Variants in MYOCD observed in about 807,000 individuals in gnomAD.
MYOCD encodes the protein myocardin.
Under a neutral mutation model 96.1 loss-of-function variants are expected in MYOCD, and 32 were observed. The observed-to-expected ratio is 0.33, with a 90% CI of 0.25 to 0.45. MYOCD has a LOEUF of 0.45. Ranked by LOEUF, MYOCD falls within the 20% of genes least tolerant of loss-of-function variation. MYOCD has a pLI of 1.00. For missense variants in MYOCD, 1,133 were observed against 1,200.6 expected, an observed-to-expected ratio of 0.94 and a Z score of 0.83; for synonymous variants, 469 against 469.0, an observed-to-expected ratio of 1.00 and a Z score of 0.00.
At chr17:12,715,692 C>A in intron 3 of MYOCD, 118 bp downstream of exon 3, 1 of 697,784 alleles carries the variant, frequency 1.4e-6, no homozygotes. Flanking sequence ...TTGCCAGTCC[C>A]CTGCCCTCAT....
At position 12,765,284 on chromosome 17, in the gene MYOCD, A is replaced by C. The variant is rs189672093; in HGVS notation, c.*1640A>C. On this transcript the variant is annotated 3_prime_UTR_variant, in exon 14 of 14. Coordinates refer to ENST00000425538, the MANE Select transcript of MYOCD (RefSeq NM_001146312.3). ...TTGCTGTTGTTTTGTTTTTTTATTT[A>C]AATCACTAAGGCACTGTTTTTATCT... The C allele has an allele frequency of 6.6e-6, 1 of 151,746 alleles. No individual in the cohort carries two copies. Among genetic ancestry groups the C allele is most frequent in the East Asian group, 1.9e-4 (1 of 5,162 alleles). 9.4% of individuals were successfully genotyped at this position (151,746 alleles called of 1,614,324 possible).
chr17:12,730,675 T>C (rs547741901), intron 5 of MYOCD, among the ~76,000 whole-genome samples: 2 of 152,178 alleles, frequency 1.3e-5, no homozygotes, highest in Non-Finnish European at 2.9e-5. Flanking sequence ...ACTGAAACTA[T>C]AGCTACCTTT....
At chr17:12,711,336 G>T (rs951456188) in intron 2 of MYOCD, among the ~76,000 whole-genome samples, 3 of 152,150 alleles carry the variant, frequency 2.0e-5, no homozygotes, top group Admixed American at 2.0e-4. Flanking sequence ...GTAGATGGCA[G>T]AGCAAGAACA....
At chr17:12,757,836 A>G (rs1406683730) in intron 11 of MYOCD, among the ~76,000 whole-genome samples, 1 of 152,052 alleles carries the variant, frequency 6.6e-6, no homozygotes, top group African/African-American at 2.4e-5. Context: ...ATTTTCCCCT[A>G]AAATAAGAGG....
intron 12 of MYOCD, 52 bp from the exon 13 acceptor site, chr17:12,760,598 G>A (rs1050844074): frequency 4.8e-6 from 7 of 1,452,024 alleles, no homozygotes; most frequent in South Asian, 3.4e-5. Flanking sequence ...GATTTCCTAC[G>A]GAGATAACCA....
intron 1 of MYOCD, among the ~76,000 whole-genome samples, chr17:12,697,357 A>T (rs527544438): frequency 1.4e-3 from 124 of 86,974 alleles, no homozygotes; most frequent in African/African-American, 4.3e-3. Context: ...ATATATATAT[A>T]TATTTTTTTT....
At chr17:12,738,577 T>TAC (rs901732950) in intron 6 of MYOCD, among the ~76,000 whole-genome samples, 3 of 151,932 alleles carry the variant, frequency 2.0e-5, no homozygotes, top group Non-Finnish European at 4.4e-5. Context: ...CACACATATA[T>TAC]ACACACATGC....
chr17:12,677,896 G>GTTT (rs541655363), intron 1 of MYOCD, among the ~76,000 whole-genome samples: 3 of 129,354 alleles, frequency 2.3e-5, no homozygotes, highest in African/African-American at 2.9e-5. Context: ...TTTCTTTTTT[G>GTTT]TTTTTTTTTT....
chr17:12,723,693 G>A (rs1160480555), intron 5 of MYOCD, among the ~76,000 whole-genome samples: 1 of 152,192 alleles, frequency 6.6e-6, no homozygotes, highest in Non-Finnish European at 1.5e-5. Context: ...GCTTTGGGGT[G>A]GAACCCAGGA....
At chr17:12,722,474 T>C (rs1408809608) in intron 4 of MYOCD, among the ~76,000 whole-genome samples, 1 of 152,226 alleles carries the variant, frequency 6.6e-6, no homozygotes, top group African/African-American at 2.4e-5. Context: ...AGATAACATT[T>C]ACTGCAGGCC....
chr17:12,754,487 G>A (rs1162026144), intron 10 of MYOCD, among the ~76,000 whole-genome samples: 1 of 152,212 alleles, frequency 6.6e-6, no homozygotes, highest in Non-Finnish European at 1.5e-5. Context: ...GGATATTTGG[G>A]GTGAAGGCAT....
chr17:12,681,592 G>A (rs959733872), intron 1 of MYOCD, among the ~76,000 whole-genome samples: 3 of 152,130 alleles, frequency 2.0e-5, no homozygotes, highest in Admixed American at 6.5e-5. Flanking sequence ...GTTTTGACTC[G>A]CCAAATGCCC....
chr17:12,745,884 A>T (rs1453398767), intron 8 of MYOCD, 35 bp from the exon 9 acceptor site: 2 of 1,609,878 alleles, frequency 1.2e-6, no homozygotes, highest in Admixed American at 3.3e-5. Flanking sequence ...CCAATATTTG[A>T]TTGTACTTGA....
intron 5 of MYOCD, among the ~76,000 whole-genome samples, chr17:12,729,623 G>A (rs1476570688): frequency 6.6e-6 from 1 of 152,016 alleles, no homozygotes; most frequent in Non-Finnish European, 1.5e-5. Flanking sequence ...TGTCGCCCAG[G>A]CTGGAGTGCA....
chr17:12,731,276 G>T (rs939668609), intron 5 of MYOCD, among the ~76,000 whole-genome samples: 2 of 152,138 alleles, frequency 1.3e-5, no homozygotes, highest in Non-Finnish European at 2.9e-5. Flanking sequence ...CATGGGCTTG[G>T]CTTGAACCAG....
rs1441466443 is a variant in MYOCD at position 12,763,375 on chromosome 17, C to G, written c.2692C>G (p.Leu898Val). ...ATTCTCTGGGAAGGCTGCAGAAGAC[C>G]TCTTCAATGCACATGAGATCTTGCC... ...DGFSGKAAED[L>V]FNAHEILPGP... The change falls in exon 14 of 14, where the codon CTC becomes GTC. Residue 898 changes from leucine to valine, a missense_variant. Physicochemically the swap from Leu to Val is conservative, Grantham distance 32. Coordinates refer to ENST00000425538, the MANE Select transcript of MYOCD (RefSeq NM_001146312.3). 6.3e-7 allele frequency: 1 copy of G among 1,598,352 alleles called. No individual in the cohort carries two copies. The highest frequency in any genetic ancestry group is 2.2e-5 in the East Asian group (1 of 44,724).
At chr17:12,714,361 A>ACACC (rs149778201) in intron 2 of MYOCD, among the ~76,000 whole-genome samples, 156 of 148,366 alleles carry the variant, frequency 1.1e-3, no homozygotes, top group Middle Eastern at 6.8e-3. Flanking sequence ...ACACACACAC[A>ACACC]CCCCGATCTG....
intron 2 of MYOCD, among the ~76,000 whole-genome samples, chr17:12,714,384 A>G (rs1714984): frequency 0.65 from 96,987 of 149,964 alleles, 34,130 homozygotes; most frequent in Non-Finnish European, 0.78. Flanking sequence ...CAGAAACCTA[A>G]TTTTTGTGCT....
At chr17:12,736,995 C>G (rs1344545163) in intron 6 of MYOCD, among the ~76,000 whole-genome samples, 1 of 152,222 alleles carries the variant, frequency 6.6e-6, no homozygotes, top group African/African-American at 2.4e-5. Flanking sequence ...TGGCTCACGC[C>G]TGCAATCCCG....
Sources: allele counts gnomAD v4.1 joint callset (sites outside exome capture counted in the v4.1 genomes callset), GRCh38; gene constraint gnomAD v4.1.1; transcripts MANE v1.5; gene names NCBI Gene and HGNC (gene_info 2026-07-23, HGNC 2026-07-21).